HCLS1: variants seen among roughly 807,000 people sequenced by gnomAD.
HCLS1 encodes hematopoietic lineage cell-specific protein.
In HCLS1, 44 loss-of-function variants were observed where a neutral mutation model predicts 68.6. The observed-to-expected ratio is 0.64, with a 90% CI of 0.50 to 0.82. The LOEUF (loss-of-function observed/expected upper bound fraction) is 0.82, where lower values mean the gene tolerates loss of function less well. Among genes scored for constraint, HCLS1 ranks in the 40% least tolerant of loss-of-function variants. The pLI is 0.00. For synonymous variants in HCLS1, 217 were observed against 225.8 expected, an observed-to-expected ratio of 0.96 and a Z score of 0.35; for missense variants, 602 against 612.1, an observed-to-expected ratio of 0.98 and a Z score of 0.17.
Position 121,632,392 on chromosome 3 carries a change from C to A in HCLS1, c.1180G>T (p.Glu394Ter). 3 of 1,614,052 alleles carry A rather than the reference C, an allele frequency of 1.9e-6. No homozygotes were observed. Among genetic ancestry groups the A allele is most frequent in the Non-Finnish European group, 2.5e-6 (3 of 1,180,020 alleles). The stretch of plus-strand genomic sequence containing the variant: ...TCGAGCACCTCCTCATAGTCCCCCT[C>A]TGGTTCATCCTCCTGCTCATGCCTG... ...MDRHEQEDEPEGDYEEVLEPE... is the reference protein window; with the variant it reads ...MDRHEQEDEP The change falls in exon 12 of 14, where the codon GAG (glutamate) becomes TAG (stop). Residue 394 changes from glutamate to a stop codon, truncating the protein, a stop_gained. Transcript: ENST00000314583. LOFTEE classifies it high-confidence loss of function.
At chr3:121,657,428 T>A in intron 2 of HCLS1, 76 bp from the exon 3 acceptor site, 1 of 1,261,788 alleles carries the variant, frequency 7.9e-7, no homozygotes, top group Non-Finnish European at 1.2e-6. Context: ...AACTGACACA[T>A]GCCCTCCATG....
At chr3:121,659,748 C>T (rs1487107249) in intron 1 of HCLS1, among the ~76,000 whole-genome samples, 1 of 150,602 alleles carries the variant, frequency 6.6e-6, no homozygotes, top group Non-Finnish European at 1.5e-5. Context: ...CATCCCCTGG[C>T]TCCTGGGCTG....
chr3:121,633,272 G>C, intron 10 of HCLS1, 101 bp from the exon 11 acceptor site: 1 of 740,874 alleles, frequency 1.3e-6, no homozygotes, highest in African/African-American at 1.8e-5. Flanking sequence ...CTGGAGTGCA[G>C]TGGTGCGATC....
rs534312451 is a variant in HCLS1 at position 121,647,260 on chromosome 3, C to A, written c.288+59G>T. 1.6e-5 allele frequency: 26 copies of A among 1,578,438 alleles called. No homozygotes were observed. In the East Asian group the frequency reaches 2.0e-4, roughly 12 times the overall value. On this transcript the variant is annotated intron_variant, in intron 4 of 13. Coordinates refer to ENST00000314583, the MANE Select transcript of HCLS1 (RefSeq NM_005335.6). ...CCTTCCAAAGTGCTGGGATTACAGG[C>A]GTGAGCCACCGCACCCGGCTTGTAT... is the stretch of plus-strand genomic sequence containing the variant.
At chr3:121,656,184 G>T (rs1937866140) in intron 3 of HCLS1, 1 of 152,070 alleles carries the variant, frequency 6.6e-6, no homozygotes, top group Admixed American at 6.6e-5. Context: ...ATGTGGTATT[G>T]TCATCCAGTT....
chr3:121,649,450 G>A (rs908414911), intron 3 of HCLS1, among the ~76,000 whole-genome samples: 1 of 152,156 alleles, frequency 6.6e-6, no homozygotes, highest in Non-Finnish European at 1.5e-5. Flanking sequence ...GGCCAGGCTG[G>A]TCTCAAACTC....
chr3:121,645,049 C>T, intron 4 of HCLS1, 121 bp from the exon 5 acceptor site: 1 of 729,624 alleles, frequency 1.4e-6, no homozygotes, highest in South Asian at 1.7e-5. Context: ...TCTATAGCCT[C>T]TGACAGTGGT....
chr3:121,647,245 T>G, intron 4 of HCLS1, 74 bp downstream of exon 4: 2 of 1,518,786 alleles, frequency 1.3e-6, no homozygotes, highest in Non-Finnish European at 1.8e-6. Flanking sequence ...CCTTCCAAAG[T>G]GCTGGGATTA....
chr3:121,632,491 C>A lies in HCLS1; in HGVS notation c.1081G>T (p.Glu361Ter). 1 of 1,613,828 alleles carries A rather than the reference C, an allele frequency of 6.2e-7. No homozygotes were observed. The highest frequency in any genetic ancestry group is 2.2e-5 in the East Asian group (1 of 44,860). ...GLQVEEEPVY[E>*]AEPEPEPEPE... is the part of the protein sequence containing the mutation. ...TCGGGCTCAGGCTCAGGCTCTGCTT[C>A]GTACACTGGCTCTTCCTCCACCTGG... The change falls in exon 12 of 14, where the codon GAA becomes TAA. Residue 361 changes from glutamate to a stop codon, truncating the protein, a stop_gained. Coordinates refer to ENST00000314583, the MANE Select transcript of HCLS1 (RefSeq NM_005335.6). LOFTEE classifies it high-confidence loss of function.
chr3:121,658,596 A>C (rs1327343462), intron 1 of HCLS1, among the ~76,000 whole-genome samples: 3 of 152,200 alleles, frequency 2.0e-5, no homozygotes, highest in Non-Finnish European at 4.4e-5. Context: ...GCTAGAGAGA[A>C]GTCATCATGG....
intron 3 of HCLS1, 50 bp downstream of exon 3, chr3:121,657,229 G>A (rs1937891706): frequency 2.0e-6 from 3 of 1,504,258 alleles, no homozygotes; most frequent in Non-Finnish European, 2.8e-6. Flanking sequence ...AGTTTTCTTT[G>A]GGCTCTTCCC....
intron 3 of HCLS1, chr3:121,655,359 G>A (rs1217407569): frequency 6.6e-6 from 1 of 151,056 alleles, no homozygotes; most frequent in Non-Finnish European, 1.5e-5. Context: ...GAAGTGCTAA[G>A]TACTGCATTA....
chr3:121,651,525 C>A (rs1192993283), intron 3 of HCLS1, among the ~76,000 whole-genome samples: 3 of 152,134 alleles, frequency 2.0e-5, no homozygotes, highest in African/African-American at 7.2e-5. Flanking sequence ...CAGCCTCAAC[C>A]CCCTGGGCTC....
chr3:121,642,877 A>C (rs1218604407), intron 6 of HCLS1, 50 bp downstream of exon 6: 10 of 1,430,716 alleles, frequency 7.0e-6, no homozygotes, highest in Non-Finnish European at 4.9e-6. Flanking sequence ...TCTTAGCAGA[A>C]GAGCCTGCCG....
intron 3 of HCLS1, among the ~76,000 whole-genome samples, chr3:121,653,159 A>C (rs965946160): frequency 2.0e-5 from 3 of 152,230 alleles, no homozygotes; most frequent in Non-Finnish European, 2.9e-5. Context: ...AAGAAGAACT[A>C]AATAAATGAA....
At position 121,633,069 on chromosome 3, in the gene HCLS1, C is replaced by A; in HGVS notation, c.1006G>T (p.Glu336Ter). The change falls in exon 11 of 14, where the codon GAG becomes TAG. Residue 336 changes from glutamate to a stop codon, truncating the protein, a stop_gained and splice_region_variant. Transcript: ENST00000314583. LOFTEE classifies it high-confidence loss of function. ...AGAATCTTTGGGGGTTTGCTTACCT[C>A]CGGGAGAGTCTGCCTAATGGGCAGC... ...PLLPIRQTLPEDNEEPPALPP... is the reference protein window; with the variant it reads ...PLLPIRQTLP The A allele has an allele frequency of 1.2e-6, 2 of 1,604,826 alleles. No individual in the cohort carries two copies. Among genetic ancestry groups the A allele is most frequent in the South Asian group, 2.2e-5 (2 of 90,720 alleles).
At chr3:121,637,302 C>A (rs563150310) in intron 6 of HCLS1, 46 bp from the exon 7 acceptor site, 2 of 1,313,616 alleles carry the variant, frequency 1.5e-6, no homozygotes, top group Admixed American at 1.7e-5. Context: ...TAGGCTCCAG[C>A]ACACAGGGAA....
intron 6 of HCLS1, among the ~76,000 whole-genome samples, chr3:121,638,440 G>T (rs2049169215): frequency 6.6e-6 from 1 of 152,150 alleles, no homozygotes; most frequent in Non-Finnish European, 1.5e-5. Context: ...AAGAATGGGG[G>T]AGGAGGGAAG....
chr3:121,634,154 T>C (rs2049126552), intron 10 of HCLS1, 53 bp downstream of exon 10: 1 of 1,610,894 alleles, frequency 6.2e-7, no homozygotes, highest in African/African-American at 1.3e-5. Flanking sequence ...CCCCTTAGGC[T>C]CCTGTCTGGG....
Sources: gnomAD v4.1 joint callset for allele counts (sites outside exome capture counted in the v4.1 genomes callset) on GRCh38, gnomAD v4.1.1 for gene constraint, MANE v1.5 for transcripts, NCBI Gene and HGNC (gene_info 2026-07-23, HGNC 2026-07-21) for gene names.